The following RALGAPA1 variants were observed in gnomAD, a reference collection of about 807,000 sequenced individuals.
RALGAPA1 encodes ral GTPase-activating protein subunit alpha-1.
Under a neutral mutation model 269.6 loss-of-function variants are expected in RALGAPA1, and 52 were observed. The ratio of observed to expected loss-of-function variants is 0.19; its 90% CI spans 0.15 to 0.24. The LOEUF is 0.24. Among genes scored for constraint, RALGAPA1 ranks in the 10% least tolerant of loss-of-function variants. RALGAPA1 has a pLI of 1.00. For synonymous variants in RALGAPA1, 817 were observed against 1,008.3 expected, an observed-to-expected ratio of 0.81 and a Z score of 3.60; for missense variants, 1,917 against 3,013.9, an observed-to-expected ratio of 0.64 and a Z score of 8.52.
chr14:35,645,383 G>GTGTGTGTGTGTATA (rs2062350754), intron 31 of RALGAPA1, among the ~76,000 whole-genome samples: 1 of 149,822 alleles, frequency 6.7e-6, no homozygotes, highest in African/African-American at 2.5e-5. Flanking sequence ...GTGTGTGTGT[G>GTGTGTGTGTGTATA]TGTGTGTATA....
intron 12 of RALGAPA1, among the ~76,000 whole-genome samples, chr14:35,732,954 T>A (rs1353752830): frequency 6.6e-6 from 1 of 152,168 alleles, no homozygotes; most frequent in East Asian, 1.9e-4. Context: ...CACATTCTAT[T>A]CAACAGTGCA....
intron 37 of RALGAPA1, among the ~76,000 whole-genome samples, chr14:35,588,063 C>T (rs1196514055): frequency 1.3e-5 from 2 of 152,120 alleles, no homozygotes; most frequent in African/African-American, 4.8e-5. Flanking sequence ...CGTGCCACCA[C>T]GCCCAGCTAG....
At chr14:35,691,800 T>C (rs2066504538) in intron 17 of RALGAPA1, among the ~76,000 whole-genome samples, 2 of 152,222 alleles carry the variant, frequency 1.3e-5, no homozygotes, top group African/African-American at 2.4e-5. Context: ...AGTGATATAC[T>C]AGTAGGCTCT....
intron 26 of RALGAPA1, among the ~76,000 whole-genome samples, chr14:35,666,650 A>G (rs1283149710): frequency 1.3e-5 from 2 of 152,254 alleles, no homozygotes; most frequent in Non-Finnish European, 2.9e-5. Flanking sequence ...GGTATCCCTC[A>G]TATGAACCAG....
At chr14:35,583,728 T>C (rs902666782) in intron 37 of RALGAPA1, among the ~76,000 whole-genome samples, 1 of 152,012 alleles carries the variant, frequency 6.6e-6, no homozygotes, top group Non-Finnish European at 1.5e-5. Context: ...ATCTTACCTA[T>C]AGAGTAGCAA....
At chr14:35,674,775 C>T (rs1595086152) in intron 22 of RALGAPA1, 66 bp from the exon 23 acceptor site, 1 of 681,968 alleles carries the variant, frequency 1.5e-6, no homozygotes, top group South Asian at 2.6e-5. Context: ...CCCCAAGAAA[C>T]CAAGCTAAAT....
chr14:35,760,916 A>C lies in RALGAPA1; in HGVS notation c.460T>G (p.Leu154Val), dbSNP rs1472196384. ...TGTGGTGCTGAAAATCCAGGGATTA[A>C]GCATGAAAACATCCAGAGCTGTTCT... is the stretch of plus-strand genomic sequence containing the variant. The part of the protein sequence containing the change: ...SKEQLWMFSC[L>V]IPGFSAPQSE... The change falls in exon 6 of 42, where the codon TTA (leucine) becomes GTA (valine). Residue 154 changes from leucine (L) to valine (V), a missense_variant. Physicochemically the swap from Leu to Val is conservative, Grantham distance 32. Transcript: ENST00000680220. 1 of 1,611,890 alleles carries C rather than the reference A, an allele frequency of 6.2e-7. No individual in the cohort carries two copies. Among genetic ancestry groups the C allele is most frequent in the South Asian group, 1.1e-5 (1 of 91,002 alleles).
At chr14:35,557,743 T>C (rs1272949666) in intron 39 of RALGAPA1, among the ~76,000 whole-genome samples, 1 of 152,158 alleles carries the variant, frequency 6.6e-6, no homozygotes, top group Admixed American at 6.5e-5. Context: ...ATTTTACAGA[T>C]TTACTGATTT....
intron 1 of RALGAPA1, among the ~76,000 whole-genome samples, chr14:35,803,832 C>G (rs1402664253): frequency 6.6e-6 from 1 of 151,870 alleles, no homozygotes; most frequent in African/African-American, 2.4e-5. Context: ...CCATCTTGGC[C>G]AGGCTGGTCT....
chr14:35,635,101 A>C (rs1224109402), intron 32 of RALGAPA1, among the ~76,000 whole-genome samples: 1 of 151,986 alleles, frequency 6.6e-6, no homozygotes, highest in Non-Finnish European at 1.5e-5. Context: ...AATCCAGGAG[A>C]CGGAGGTTGC....
chr14:35,799,071 C>G (rs1461996737), intron 1 of RALGAPA1, among the ~76,000 whole-genome samples: 1 of 151,238 alleles, frequency 6.6e-6, no homozygotes, highest in African/African-American at 2.4e-5. Context: ...CTTTTTATTA[C>G]TTAAAAATCT....
chr14:35,751,976 A>T, intron 8 of RALGAPA1, 48 bp downstream of exon 8: 1 of 1,544,716 alleles, frequency 6.5e-7, no homozygotes, highest in Non-Finnish European at 8.7e-7. Flanking sequence ...GTAAGAGATT[A>T]TTTTACTCTT....
In RALGAPA1 at chr14:35,782,817, T is replaced by G. The variant is rs544038693; in HGVS notation, c.107-7072A>C. 4.1e-4 allele frequency among the ~76,000 whole-genome samples: 63 copies of G among 152,040 alleles called. No homozygotes were observed. In the South Asian group the frequency reaches 0.012, roughly 30 times the overall value. On this transcript the variant is annotated intron_variant, in intron 1 of 41. Coordinates refer to ENST00000680220, the MANE Select transcript of RALGAPA1 (RefSeq NM_001346249.2). The stretch of plus-strand genomic sequence containing the variant: ...AAAAGAAAATGCAAGTGACCCAGAA[T>G]AGTCAAAACAGTATTTTTTTTTTTT...
intron 1 of RALGAPA1, among the ~76,000 whole-genome samples, chr14:35,797,032 C>T (rs2076614543): frequency 6.6e-6 from 1 of 152,062 alleles, no homozygotes; most frequent in African/African-American, 2.4e-5. Context: ...CGTGATCCGC[C>T]CACCTCAGCC....
chr14:35,772,625 T>TA (rs1292175205), intron 3 of RALGAPA1, among the ~76,000 whole-genome samples: 1 of 152,220 alleles, frequency 6.6e-6, no homozygotes, highest in Admixed American at 6.5e-5. Context: ...AAATGAATGC[T>TA]AATAAGGGCC....
intron 31 of RALGAPA1, among the ~76,000 whole-genome samples, chr14:35,639,273 T>C (rs1230300979): frequency 1.3e-5 from 2 of 152,250 alleles, no homozygotes; most frequent in East Asian, 1.9e-4. Flanking sequence ...AGCACCCTGA[T>C]ATATAAAGCA....
chr14:35,544,972 G>A (rs757275961), intron 41 of RALGAPA1, among the ~76,000 whole-genome samples: 39 of 152,128 alleles, frequency 2.6e-4, no homozygotes, highest in Non-Finnish European at 3.8e-4. Context: ...GCTTGAACCC[G>A]GGAGGTGGAG....
intron 1 of RALGAPA1, among the ~76,000 whole-genome samples, chr14:35,776,103 G>A (rs2075004206): frequency 6.6e-6 from 1 of 152,146 alleles, no homozygotes; most frequent in South Asian, 2.1e-4. Flanking sequence ...ATGTCTGAAG[G>A]CCAGGTATGG....
chr14:35,781,858 T>C (rs2075458101), intron 1 of RALGAPA1, among the ~76,000 whole-genome samples: 2 of 152,156 alleles, frequency 1.3e-5, no homozygotes, highest in Admixed American at 1.3e-4. Context: ...TATGAAACGG[T>C]CACAACTAAC....
Sources: allele counts gnomAD v4.1 joint callset (sites outside exome capture counted in the v4.1 genomes callset), GRCh38; gene constraint gnomAD v4.1.1; transcripts MANE v1.5; gene names NCBI Gene and HGNC (gene_info 2026-07-23, HGNC 2026-07-21).